The following NCOR2 variants were observed in gnomAD, a reference collection of about 807,000 sequenced individuals.
NCOR2 encodes nuclear receptor corepressor 2.
In NCOR2, 81 loss-of-function variants were observed where a neutral mutation model predicts 262.9. The observed-to-expected ratio is 0.31, with a 90% CI of 0.26 to 0.37. The LOEUF (loss-of-function observed/expected upper bound fraction) is 0.37, where lower values mean the gene tolerates loss of function less well. NCOR2 is among the 10% of genes least tolerant of loss of function. The pLI is 1.00. For missense variants in NCOR2, 3,385 were observed against 3,621.4 expected (o/e 0.93, Z 1.68); for synonymous variants, 1,659 against 1,559.3 (o/e 1.06, Z -1.51).
chr12:124,412,621 T>C (rs2042642225), intron 13 of NCOR2, among the ~76,000 whole-genome samples: 1 of 152,186 alleles, frequency 6.6e-6, no homozygotes, highest in South Asian at 2.1e-4. Context: ...CCAGCTTGAG[T>C]GTACTCCCAT....
exon 27 of NCOR2, chr12:124,354,135 C>T (rs1163969846): frequency 6.2e-7 from 1 of 1,610,566 alleles, no homozygotes; most frequent in African/African-American, 1.3e-5. Flanking sequence ...TGTCCGAGGG[C>T]ACCCGTGTGC....
intron 13 of NCOR2, among the ~76,000 whole-genome samples, chr12:124,403,841 C>T (rs981013415): frequency 6.6e-6 from 1 of 152,210 alleles, no homozygotes; most frequent in East Asian, 1.9e-4. Flanking sequence ...CTGCAGGCAA[C>T]CGTGGGCTCC....
chr12:124,516,279 G>T (rs953083915), intron 1 of NCOR2, among the ~76,000 whole-genome samples: 2 of 152,146 alleles, frequency 1.3e-5, no homozygotes, highest in Admixed American at 6.5e-5. Flanking sequence ...TGGCCCTCCC[G>T]CGCCAGTCCC....
intron 22 of NCOR2, among the ~76,000 whole-genome samples, chr12:124,360,172 T>C (rs1407193206): frequency 3.9e-5 from 6 of 152,194 alleles, no homozygotes; most frequent in Non-Finnish European, 7.4e-5. Flanking sequence ...GCCCCTGACA[T>C]GGATACACAG....
chr12:124,414,416 C>T (rs1047751349), intron 13 of NCOR2, among the ~76,000 whole-genome samples: 34 of 152,338 alleles, frequency 2.2e-4, no homozygotes, highest in Middle Eastern at 6.8e-3. Context: ...CCATCATCGC[C>T]ATCGCCACCA....
chr12:124,411,559 G>T (rs1441345770), intron 13 of NCOR2, among the ~76,000 whole-genome samples: 2 of 152,216 alleles, frequency 1.3e-5, no homozygotes, highest in African/African-American at 4.8e-5. Flanking sequence ...GCTACCAGGG[G>T]CCGGGCCCTG....
intron 4 of NCOR2, among the ~76,000 whole-genome samples, chr12:124,471,960 CA>C (rs2046851764): frequency 6.6e-6 from 1 of 152,242 alleles, no homozygotes; most frequent in Middle Eastern, 3.2e-3. Context: ...GCCACTGTGG[CA>C]GAAAAGCAGT....
Position 124,546,840 on chromosome 12 carries a change from C to T in NCOR2, c.-164-11229G>A, listed in dbSNP as rs189248943. 7.2e-5 allele frequency among the ~76,000 whole-genome samples: 11 copies of T among 152,278 alleles called. No individual in the cohort carries two copies. In the East Asian group the frequency reaches 2.1e-3, roughly 29 times the overall value. On this transcript the variant is annotated intron_variant, in intron 1 of 32. Transcript: ENST00000458234. The stretch of plus-strand genomic sequence containing the variant: ...AGGACCCACTCTGCAGACGGTCCTG[C>T]CTGTGAGTGTCCATCCCGGGAATCA...
chr12:124,455,126 T>C (rs1241824606), intron 6 of NCOR2, among the ~76,000 whole-genome samples: 3 of 152,260 alleles, frequency 2.0e-5, no homozygotes, highest in Non-Finnish European at 2.9e-5. Flanking sequence ...GAAGGGTTTC[T>C]TTTTGAGATG....
chr12:124,347,630 T>C, intron 30 of NCOR2, 195 bp downstream of exon 32: 1 of 599,638 alleles, frequency 1.7e-6, no homozygotes, highest in East Asian at 2.8e-5. Flanking sequence ...ATTTTGCTTT[T>C]TGTTTTTGTT....
At chr12:124,354,895 C>A in exon 25 of NCOR2, 1 of 1,612,270 alleles carries the variant, frequency 6.2e-7, no homozygotes, top group East Asian at 2.2e-5. Flanking sequence ...CCACCGGGGC[C>A]TTGGCATGCT....
At chr12:124,387,045 G>A (rs1036934106) in intron 16 of NCOR2, among the ~76,000 whole-genome samples, 1 of 152,264 alleles carries the variant, frequency 6.6e-6, no homozygotes, top group Non-Finnish European at 1.5e-5. Flanking sequence ...GCCTCTCTGA[G>A]CTGGAGCTCC....
At chr12:124,500,020 C>T (rs1446190793), upstream of NCOR2, among the ~76,000 whole-genome samples, 5 of 152,116 alleles carry the variant, frequency 3.3e-5, no homozygotes, top group African/African-American at 9.7e-5. Context: ...AGGCCCGCTG[C>T]GAGGACCCTG....
chr12:124,343,676 G>C (rs576092715), intron 32 of NCOR2, among the ~76,000 whole-genome samples: 1 of 151,886 alleles, frequency 6.6e-6, no homozygotes, highest in Non-Finnish European at 1.5e-5. Context: ...GCCCAGGCTG[G>C]AGTGCAATGG....
At position 124,493,125 on chromosome 12, in the gene NCOR2, G is replaced by A. The variant is rs568479876; in HGVS notation, c.105+2022C>T. Among the ~76,000 whole-genome samples the A allele has an allele frequency of 2.6e-5, 4 of 152,350 alleles. No individual in the cohort carries two copies. The East Asian group carries it at 7.7e-4, about 29-fold the overall frequency. ...TCCTGCGTCACTGACGGCCCAGCAG[G>A]AGAAGAATGGGAGGTGTCTAGGGTC... On this transcript the variant is annotated intron_variant, in intron 1 of 46. Coordinates refer to ENST00000405201, the Ensembl canonical transcript of NCOR2.
At chr12:124,565,417 C>T (rs982555809) in intron 1 of NCOR2, among the ~76,000 whole-genome samples, 8 of 152,172 alleles carry the variant, frequency 5.3e-5, no homozygotes, top group African/African-American at 1.9e-4. Context: ...GGCTCCACCC[C>T]CCCTTCATTG....
At position 124,420,174 on chromosome 12, in the gene NCOR2, C is replaced by T. The variant is rs1351045959; in HGVS notation, c.1384-119G>A. The T allele has an allele frequency of 3.5e-5, 26 of 736,926 alleles. 1 individual carries two copies. The highest frequency in any genetic ancestry group is 3.0e-4 in the South Asian group (19 of 63,474). The allele number at this position is 736,926 out of a possible 1,614,324, so 45.6% of individuals were successfully genotyped here. ...CTTCCACGTACCGGCTGGGTGACCTCGGACAGATGACCTAACCTCTGTGTC... is the reference window on the plus strand; with the variant it reads ...CTTCCACGTACCGGCTGGGTGACCTTGGACAGATGACCTAACCTCTGTGTC... On this transcript the variant is annotated intron_variant, in intron 12 of 46. Coordinates refer to ENST00000405201, the Ensembl canonical transcript of NCOR2.
chr12:124,405,114 C>T (rs1010255142), intron 13 of NCOR2, among the ~76,000 whole-genome samples: 12 of 152,148 alleles, frequency 7.9e-5, no homozygotes, highest in African/African-American at 2.9e-4. Flanking sequence ...CCCTACCTGC[C>T]TCCCACTCCA....
At chr12:124,326,110 C>G in intron 46 of NCOR2, 81 bp downstream of exon 48, 1 of 1,365,090 alleles carries the variant, frequency 7.3e-7, no homozygotes, top group East Asian at 2.9e-5. Flanking sequence ...AGCAGGCGCT[C>G]AGCATTCAGT....
Sources: gnomAD v4.1 joint callset for allele counts (sites outside exome capture counted in the v4.1 genomes callset) on GRCh38, gnomAD v4.1.1 for gene constraint, MANE v1.5 for transcripts, NCBI Gene and HGNC (gene_info 2026-07-23, HGNC 2026-07-21) for gene names.